The following RPA3 variants were observed in gnomAD, a reference collection of about 807,000 sequenced individuals.
The protein encoded by RPA3 is replication protein A 14 kDa subunit.
A neutral mutation model predicts 13.7 loss-of-function variants in RPA3; 24 were observed. That is an observed-to-expected ratio of 1.75 (90% confidence interval 1.27 to 2.46). The LOEUF (loss-of-function observed/expected upper bound fraction) is 2.46. RPA3 is among the 30% of genes most tolerant of loss of function. The pLI, the probability that RPA3 is intolerant of heterozygous loss-of-function variation, is 0.00. For synonymous variants in RPA3, 59 were observed against 51.2 expected (o/e 1.15, Z -0.65); for missense variants, 183 against 151.0 (o/e 1.21, Z -1.11).
intron 2 of RPA3, among the ~76,000 whole-genome samples, chr7:7,713,297 T>C (rs35209697): frequency 0.051 from 7,797 of 152,046 alleles, 249 homozygotes; most frequent in Middle Eastern, 0.12. Context: ...TGAGCTGAGA[T>C]TGCGCCACTG....
At chr7:7,712,194 T>A (rs1405456398) in intron 2 of RPA3, among the ~76,000 whole-genome samples, 4 of 152,232 alleles carry the variant, frequency 2.6e-5, no homozygotes, top group Admixed American at 1.3e-4. Flanking sequence ...CATCAGTTGA[T>A]CTTATGCCAA....
At chr7:7,665,509 A>C (rs1779421431) in intron 4 of RPA3, among the ~76,000 whole-genome samples, 1 of 152,250 alleles carries the variant, frequency 6.6e-6, no homozygotes, top group Non-Finnish European at 1.5e-5. Context: ...TAATTGTGTC[A>C]ATAAATTTTT....
intron 4 of RPA3, among the ~76,000 whole-genome samples, chr7:7,667,079 G>C (rs896952975): frequency 6.6e-6 from 1 of 152,214 alleles, no homozygotes; most frequent in Non-Finnish European, 1.5e-5. Flanking sequence ...AAAGTGCTGG[G>C]ATTACAGGCG....
At chr7:7,710,837 A>G (rs1377789726) in intron 2 of RPA3, among the ~76,000 whole-genome samples, 1 of 152,202 alleles carries the variant, frequency 6.6e-6, no homozygotes, top group Non-Finnish European at 1.5e-5. Flanking sequence ...TATCTATATC[A>G]TGGAATAATA....
intron 2 of RPA3, among the ~76,000 whole-genome samples, chr7:7,703,093 C>G (rs940454819): frequency 1.3e-5 from 2 of 152,110 alleles, no homozygotes; most frequent in African/African-American, 4.8e-5. Context: ...AACTTCCTTG[C>G]CAAACCTTCA....
At chr7:7,639,557 C>G (rs1284691703) in intron 5 of RPA3, among the ~76,000 whole-genome samples, 2 of 152,118 alleles carry the variant, frequency 1.3e-5, no homozygotes, top group Non-Finnish European at 2.9e-5. Context: ...ATATCTGGGT[C>G]CTACTCCTGG....
chr7:7,675,271 G>T (rs1267338243), intron 4 of RPA3, among the ~76,000 whole-genome samples: 2 of 152,196 alleles, frequency 1.3e-5, no homozygotes, highest in African/African-American at 2.4e-5. Context: ...AAAGCACATA[G>T]AATTCCTAAT....
At chr7:7,676,534 A>C (rs1214043888) in intron 4 of RPA3, among the ~76,000 whole-genome samples, 1 of 152,190 alleles carries the variant, frequency 6.6e-6, no homozygotes, top group Non-Finnish European at 1.5e-5. Flanking sequence ...TTGACATCCT[A>C]ACCTCTTTGT....
At chr7:7,706,255 A>G (rs1780596476) in intron 2 of RPA3, among the ~76,000 whole-genome samples, 1 of 152,170 alleles carries the variant, frequency 6.6e-6, no homozygotes, top group South Asian at 2.1e-4. Flanking sequence ...AAAATCATCA[A>G]AAAGAGTCTA....
At chr7:7,702,618 T>C (rs1158299333) in intron 2 of RPA3, among the ~76,000 whole-genome samples, 1 of 152,192 alleles carries the variant, frequency 6.6e-6, no homozygotes, top group Non-Finnish European at 1.5e-5. Context: ...CCCTCAAAGA[T>C]GAAAATAAAA....
intron 2 of RPA3, among the ~76,000 whole-genome samples, chr7:7,706,404 C>G (rs1191509820): frequency 6.6e-6 from 1 of 152,074 alleles, no homozygotes; most frequent in Non-Finnish European, 1.5e-5. Flanking sequence ...TCAGGAAATA[C>G]CAACAGAGCA....
At chr7:7,655,268 C>T (rs575016604) in intron 4 of RPA3, among the ~76,000 whole-genome samples, 2 of 152,238 alleles carry the variant, frequency 1.3e-5, no homozygotes, top group East Asian at 3.9e-4. Context: ...CTCTTTTCAC[C>T]TAGGATTTCC....
chr7:7,651,257 A>C (rs1173956440), intron 4 of RPA3, among the ~76,000 whole-genome samples: 1 of 152,242 alleles, frequency 6.6e-6, no homozygotes, highest in African/African-American at 2.4e-5. Flanking sequence ...ATATGTTAGT[A>C]CTAGAGCTAA....
At chr7:7,688,609 G>C (rs1340060074) in intron 2 of RPA3, among the ~76,000 whole-genome samples, 1 of 152,034 alleles carries the variant, frequency 6.6e-6, no homozygotes, top group Non-Finnish European at 1.5e-5. Flanking sequence ...CTCTCTTTTT[G>C]ATCTCATGTT....
At chr7:7,666,193 T>C (rs1779451425) in intron 4 of RPA3, among the ~76,000 whole-genome samples, 1 of 142,954 alleles carries the variant, frequency 7.0e-6, no homozygotes. Flanking sequence ...TTTTTGTTTG[T>C]TTGTTTGTTT....
chr7:7,681,117 C>G (rs1329023358), intron 4 of RPA3, among the ~76,000 whole-genome samples: 3 of 152,100 alleles, frequency 2.0e-5, no homozygotes, highest in Non-Finnish European at 4.4e-5. Flanking sequence ...GTAGCAACAA[C>G]TTTTTATCAA....
Position 7,667,043 on chromosome 7 carries a change from A to G in RPA3, c.-758+18787T>C, listed in dbSNP as rs553633077. Reference sequence around the variant, plus strand: ...GGCCAGGTCTCTAACTCCTAACCTCAGGTGATCCACCCGCCTTGGCCCCGC... The same window carrying G: ...GGCCAGGTCTCTAACTCCTAACCTCGGGTGATCCACCCGCCTTGGCCCCGC... On this transcript the variant is annotated intron_variant, in intron 4 of 7. Coordinates refer to ENST00000223129, the MANE Select transcript of RPA3 (RefSeq NM_002947.5). 1.1e-4 allele frequency among the ~76,000 whole-genome samples: 16 copies of G among 152,298 alleles called. No individual in the cohort carries two copies. The South Asian group carries it at 3.1e-3, about 30-fold the overall frequency.
intron 2 of RPA3, among the ~76,000 whole-genome samples, chr7:7,690,711 A>G (rs905827538): frequency 1.3e-5 from 2 of 152,132 alleles, no homozygotes; most frequent in African/African-American, 2.4e-5. Flanking sequence ...AGAGAAAGGA[A>G]GGTAAATATA....
chr7:7,645,476 G>A (rs138480196), intron 4 of RPA3, among the ~76,000 whole-genome samples: 51 of 152,256 alleles, frequency 3.3e-4, no homozygotes, highest in Admixed American at 3.9e-4. Flanking sequence ...CATAGGCCAG[G>A]TAAGTGATGG....
Sources: gnomAD v4.1 joint callset for allele counts (sites outside exome capture counted in the v4.1 genomes callset) on GRCh38, gnomAD v4.1.1 for gene constraint, MANE v1.5 for transcripts, NCBI Gene and HGNC (gene_info 2026-07-23, HGNC 2026-07-21) for gene names.